The following ASB4 variants were observed in gnomAD, a reference collection of about 807,000 sequenced individuals.
ASB4 encodes the protein ankyrin repeat and SOCS box containing 4.
In ASB4, 35 loss-of-function variants were observed where a neutral mutation model predicts 38.6. The ratio of observed to expected loss-of-function variants is 0.91; its 90% CI spans 0.69 to 1.20. The LOEUF is 1.20. Among genes scored for constraint, ASB4 ranks in the 50% most tolerant of loss-of-function variants. The probability of loss-of-function intolerance (pLI) is 0.00; values close to 1 mark genes in which losing one functional copy is unlikely to be tolerated. For synonymous variants in ASB4, 195 were observed against 201.3 expected, an observed-to-expected ratio of 0.97 and a Z score of 0.26; for missense variants, 557 against 527.2, an observed-to-expected ratio of 1.06 and a Z score of -0.55.
chr7:95,472,628 A>G, the ASB4 span, among the ~76,000 whole-genome samples: 2 of 152,150 alleles, frequency 1.3e-5, no homozygotes, highest in African/African-American at 4.8e-5. Context: ...AGGGGTTTTA[A>G]TGATGCTCTG....
chr7:95,471,511 T>C, the ASB4 span, among the ~76,000 whole-genome samples: 1 of 152,166 alleles, frequency 6.6e-6, no homozygotes, highest in Admixed American at 6.5e-5. Context: ...AGTTAAAATG[T>C]TTACACCTAT....
intron 2 of ASB4, among the ~76,000 whole-genome samples, chr7:95,510,425 C>T (rs1040056779): frequency 5.9e-5 from 9 of 152,158 alleles, no homozygotes; most frequent in African/African-American, 2.2e-4. Context: ...TAAAATTAAA[C>T]TCTTTAATTA....
rs772366404 is a variant in ASB4 at position 95,536,533 on chromosome 7, C to A, written c.1075C>A (p.Pro359Thr). 2 of 1,608,992 alleles carry A rather than the reference C, an allele frequency of 1.2e-6. No homozygotes were observed. Among genetic ancestry groups the A allele is most frequent in the Admixed American group, 3.3e-5 (2 of 59,942 alleles). ...GAACACAAAGTGGAGAAGAGCTATCCCCGATGATGACTTGGAGGTAAATAA... is the reference window on the plus strand; with the variant it reads ...GAACACAAAGTGGAGAAGAGCTATCACCGATGATGACTTGGAGGTAAATAA... ...RWNTKWRRAIPDDDLEKYWDF... is the reference protein window; with the variant it reads ...RWNTKWRRAITDDDLEKYWDF... Residue 359 changes from proline to threonine, a missense_variant, in exon 4 of 5, where the codon CCC (proline) becomes ACC (threonine). Coordinates refer to ENST00000325885, the MANE Select transcript of ASB4 (RefSeq NM_016116.3).
At chr7:95,486,378 G>T (rs1165133221) in intron 1 of ASB4, among the ~76,000 whole-genome samples, 1 of 151,930 alleles carries the variant, frequency 6.6e-6, no homozygotes, top group Non-Finnish European at 1.5e-5. Flanking sequence ...CCACCCTTGG[G>T]CCTAGGACTT....
At chr7:95,537,115 AGGC>A (rs1230623265) in intron 4 of ASB4, among the ~76,000 whole-genome samples, 59 of 152,354 alleles carry the variant, frequency 3.9e-4, no homozygotes, top group African/African-American at 1.2e-3. Flanking sequence ...GAGAGGTATC[AGGC>A]ACAGGGTGCA....
At chr7:95,549,314 T>TTTTTTTTTTTTTTTTTA in the ASB4 span, among the ~76,000 whole-genome samples, 2 of 147,592 alleles carry the variant, frequency 1.4e-5, no homozygotes. Flanking sequence ...TTTTTTTTTT[T>TTTTTTTTTTTTTTTTTA]GAGATGGAGT....
chr7:95,507,105 T>C (rs544870229), intron 2 of ASB4, among the ~76,000 whole-genome samples: 16 of 152,284 alleles, frequency 1.1e-4, no homozygotes, highest in African/African-American at 3.4e-4. Context: ...TAAAAGCTGA[T>C]TTGGAATCTA....
chr7:95,515,169 C>CTTT lies in ASB4; in HGVS notation c.488-12643_488-12641dup, dbSNP rs1187064611. On this transcript the variant is annotated intron_variant, in intron 2 of 4. Coordinates refer to ENST00000325885, the MANE Select transcript of ASB4 (RefSeq NM_016116.3). ...TTTTTCTTTCTTTCTTTCTCTTTCT[C>CTTT]TTTCTTTCTTTCTTTCTTTCTTTCT... 1.7e-3 allele frequency among the ~76,000 whole-genome samples: 93 copies of CTTT among 56,338 alleles called. 1 individual carries two copies. The highest frequency in any genetic ancestry group is 6.1e-3 in the African/African-American group (87 of 14,294). The allele number at this position is 56,338 out of a possible 152,430, so 37.0% of individuals were successfully genotyped here.
At chr7:95,549,992 T>C in the ASB4 span, among the ~76,000 whole-genome samples, 1 of 152,116 alleles carries the variant, frequency 6.6e-6, no homozygotes, top group Non-Finnish European at 1.5e-5. Context: ...TGGCCAAATC[T>C]CACTGGGCAA....
intron 2 of ASB4, among the ~76,000 whole-genome samples, chr7:95,498,469 A>G (rs1176383911): frequency 6.6e-6 from 1 of 152,192 alleles, no homozygotes; most frequent in Non-Finnish European, 1.5e-5. Flanking sequence ...GTTTTCATGT[A>G]TTGATTTGCC....
At chr7:95,543,911 G>A (rs1238878484), downstream of ASB4, 1 of 152,066 alleles carries the variant, frequency 6.6e-6, no homozygotes, top group African/African-American at 2.4e-5. Context: ...ATACAACCAT[G>A]TAACATTTAC....
Position 95,501,930 on chromosome 7 carries a change from C to T in ASB4, c.487+5873C>T, listed in dbSNP as rs995915174. The stretch of plus-strand genomic sequence containing the variant: ...CTCTTTCAAGCCATGTCATCAAAGG[C>T]CGAATTCACAAAGAAAATAGAGATA... On this transcript the variant is annotated intron_variant, in intron 2 of 4. Coordinates refer to ENST00000325885, the MANE Select transcript of ASB4 (RefSeq NM_016116.3). Among the ~76,000 whole-genome samples, 4 of 152,004 alleles carry T rather than the reference C, an allele frequency of 2.6e-5. No individual in the cohort carries two copies. In the East Asian group the frequency reaches 5.8e-4, roughly 22 times the overall value.
intron 1 of ASB4, among the ~76,000 whole-genome samples, chr7:95,480,530 G>A (rs1183843108): frequency 6.6e-6 from 1 of 152,144 alleles, no homozygotes; most frequent in African/African-American, 2.4e-5. Flanking sequence ...CTTCCAACTG[G>A]CTCTCTTGGA....
chr7:95,488,778 AAAT>A (rs1487085394), intron 1 of ASB4, among the ~76,000 whole-genome samples: 2 of 152,196 alleles, frequency 1.3e-5, no homozygotes, highest in Non-Finnish European at 2.9e-5. Context: ...ACTTTTCACA[AAAT>A]AACAAACCTA....
chr7:95,497,824 C>T (rs1489694598), intron 2 of ASB4, among the ~76,000 whole-genome samples: 1 of 152,132 alleles, frequency 6.6e-6, no homozygotes, highest in Non-Finnish European at 1.5e-5. Context: ...TAGCATAATA[C>T]ATTTGAGATC....
At chr7:95,507,760 C>T (rs1790429828) in intron 2 of ASB4, among the ~76,000 whole-genome samples, 1 of 152,148 alleles carries the variant, frequency 6.6e-6, no homozygotes, top group Admixed American at 6.5e-5. Context: ...AAATCATGCT[C>T]AGTTGTACAC....
At chr7:95,498,043 G>T (rs189937108) in intron 2 of ASB4, among the ~76,000 whole-genome samples, 3 of 152,286 alleles carry the variant, frequency 2.0e-5, no homozygotes, top group East Asian at 3.9e-4. Flanking sequence ...TAAATACCTA[G>T]GAGTGGGATG....
intron 2 of ASB4, among the ~76,000 whole-genome samples, chr7:95,511,176 T>C (rs1304329404): frequency 6.6e-6 from 1 of 152,094 alleles, no homozygotes; most frequent in Non-Finnish European, 1.5e-5. Context: ...TTTTACTAAT[T>C]AGAAAGCTAA....
chr7:95,527,787 T>C, intron 2 of ASB4, 26 bp from the exon 3 acceptor site: 2 of 1,565,854 alleles, frequency 1.3e-6, no homozygotes, highest in Non-Finnish European at 1.7e-6. Context: ...GTTTAAATAA[T>C]TGTCTTCCTC....
Sources: gnomAD v4.1 joint callset for allele counts (sites outside exome capture counted in the v4.1 genomes callset) on GRCh38, gnomAD v4.1.1 for gene constraint, MANE v1.5 for transcripts, NCBI Gene and HGNC (gene_info 2026-07-23, HGNC 2026-07-21) for gene names.